The following LTBP1 variants were observed in gnomAD, a reference collection of about 807,000 sequenced individuals.
The protein encoded by LTBP1 is latent-transforming growth factor beta-binding protein 1.
In LTBP1, 129 loss-of-function variants were observed where a neutral mutation model predicts 207.6. The ratio of observed to expected loss-of-function variants is 0.62; its 90% confidence interval spans 0.54 to 0.72. LTBP1 has a LOEUF of 0.72. LTBP1 is among the 30% of genes least tolerant of loss of function. The pLI is 0.00. For missense variants in LTBP1, 2,281 were observed against 2,217.2 expected (o/e 1.03, Z -0.58); for synonymous variants, 963 against 833.7 (o/e 1.16, Z -2.67).
intron 13 of LTBP1, among the ~76,000 whole-genome samples, chr2:33,260,953 C>T (rs1253433988): frequency 1.3e-5 from 2 of 152,034 alleles, no homozygotes; most frequent in African/African-American, 2.4e-5. Context: ...GGAGATAGTA[C>T]GAAAAATGCA....
chr2:33,284,465 G>A (rs143237332), intron 19 of LTBP1, among the ~76,000 whole-genome samples: 84 of 152,190 alleles, frequency 5.5e-4, no homozygotes, highest in African/African-American at 1.8e-3. Context: ...AGTCACGTTC[G>A]TCATTCGGCA....
intron 19 of LTBP1, among the ~76,000 whole-genome samples, chr2:33,286,516 G>C (rs76808819): frequency 0.035 from 5,322 of 152,270 alleles, 122 homozygotes; most frequent in Middle Eastern, 0.11. Context: ...GATTGCAACT[G>C]AGTACAGCAT....
At chr2:33,202,120 A>G (rs1010468579) in intron 7 of LTBP1, among the ~76,000 whole-genome samples, 1 of 152,038 alleles carries the variant, frequency 6.6e-6, no homozygotes, top group East Asian at 1.9e-4. Flanking sequence ...ACTTAAAAGA[A>G]TAAGCTTAAT....
chr2:33,300,015 T>C lies in LTBP1; in HGVS notation c.3236-436T>C, dbSNP rs375959070. ...TCAACTTCTAGACAAAGTAGAATTATCTGTTTCCTTCCATAACTGCCTATG... is the reference window on the plus strand; with the variant it reads ...TCAACTTCTAGACAAAGTAGAATTACCTGTTTCCTTCCATAACTGCCTATG... On this transcript the variant is annotated intron_variant, in intron 20 of 33. Coordinates refer to ENST00000404816, the MANE Select transcript of LTBP1 (RefSeq NM_206943.4). Among the ~76,000 whole-genome samples, 377 of 152,332 alleles carry C rather than the reference T, an allele frequency of 2.5e-3. 1 individual carries two copies. Among genetic ancestry groups the C allele is most frequent in the African/African-American group, 8.2e-3 (339 of 41,578 alleles).
Position 33,301,576 on chromosome 2 carries a change from C to G in LTBP1, c.3413C>G (p.Thr1138Ser). ...HLCAHGQCRN[T>S]EGSFQCVCDQ... ...TGTGCTCATGGGCAGTGCAGGAACA[C>G]TGAGGGCTCTTTTCAATGTGTGTGT... The change falls in exon 22 of 34, where the codon ACT becomes AGT. Residue 1138 changes from threonine (T) to serine (S), a missense_variant. Thr to Ser is a moderately conservative substitution (Grantham distance 58). This residue lies in a region of LTBP1 where 1,671 missense variants were observed against 1,634.8 expected (regional missense o/e 1.02). Transcript: ENST00000404816. 1 of 1,613,270 alleles carries G rather than the reference C, an allele frequency of 6.2e-7. No individual in the cohort carries two copies. The highest frequency in any genetic ancestry group is 8.5e-7 in the Non-Finnish European group (1 of 1,179,654).
chr2:32,990,209 C>T (rs199543123), intron 2 of LTBP1, among the ~76,000 whole-genome samples: 7 of 152,330 alleles, frequency 4.6e-5, no homozygotes, highest in Admixed American at 6.5e-5. Context: ...TCCATGCATA[C>T]GCAATTGACA....
intron 3 of LTBP1, among the ~76,000 whole-genome samples, chr2:33,104,805 G>A (rs1203342652): frequency 1.3e-5 from 2 of 152,128 alleles, no homozygotes; most frequent in Non-Finnish European, 2.9e-5. Context: ...CTGCATTTCT[G>A]TTTCTAAACT....
At chr2:32,988,974 G>A (rs945469330) in intron 2 of LTBP1, among the ~76,000 whole-genome samples, 3 of 151,502 alleles carry the variant, frequency 2.0e-5, no homozygotes, top group South Asian at 4.2e-4. Context: ...TAATATTTTT[G>A]TGCCACTATC....
chr2:33,352,752 C>G (rs989835159), intron 26 of LTBP1, among the ~76,000 whole-genome samples: 10 of 152,146 alleles, frequency 6.6e-5, no homozygotes, highest in African/African-American at 2.2e-4. Flanking sequence ...CTTACCACTG[C>G]TTTATAGCAT....
intron 3 of LTBP1, among the ~76,000 whole-genome samples, chr2:33,097,196 CTT>C (rs1463103584): frequency 1.3e-5 from 2 of 152,130 alleles, no homozygotes; most frequent in African/African-American, 4.8e-5. Flanking sequence ...GGTCTCTAAA[CTT>C]TTAAATTGTG....
At chr2:33,324,971 C>T (rs971096154) in intron 24 of LTBP1, among the ~76,000 whole-genome samples, 3 of 152,152 alleles carry the variant, frequency 2.0e-5, no homozygotes, top group African/African-American at 7.2e-5. Context: ...TCCCAAAGTG[C>T]TGAGATTACA....
chr2:33,368,821 G>C (rs1359863293), intron 31 of LTBP1, among the ~76,000 whole-genome samples: 1 of 152,164 alleles, frequency 6.6e-6, no homozygotes. Context: ...AGGTTGCAGT[G>C]GGCCAAGATC....
Position 33,139,105 on chromosome 2 carries a change from G to A in LTBP1, c.1201+4145G>A, listed in dbSNP as rs796097833. 6.3e-4 allele frequency among the ~76,000 whole-genome samples: 95 copies of A among 151,928 alleles called. 1 individual carries two copies. Among genetic ancestry groups the A allele is most frequent in the African/African-American group, 1.9e-3 (78 of 41,462 alleles). ...CATCTCCTGACCTCGTGATCCGCCC[G>A]CCTCGGCCTCCCAAAGTGCTGGGAT... is the stretch of plus-strand genomic sequence containing the variant. On this transcript the variant is annotated intron_variant, in intron 5 of 33. Coordinates refer to ENST00000404816, the MANE Select transcript of LTBP1 (RefSeq NM_206943.4).
At chr2:33,336,233 C>T (rs1348534023) in intron 24 of LTBP1, among the ~76,000 whole-genome samples, 1 of 152,186 alleles carries the variant, frequency 6.6e-6, no homozygotes, top group Non-Finnish European at 1.5e-5. Context: ...TCATAGTGGG[C>T]AAACTCCAGT....
intron 25 of LTBP1, 42 bp downstream of exon 25, chr2:33,343,005 T>C (rs1291019634): frequency 6.3e-7 from 1 of 1,583,128 alleles, no homozygotes; most frequent in Non-Finnish European, 8.6e-7. Context: ...CACATGTCCC[T>C]AGGGAAAAGA....
intron 3 of LTBP1, among the ~76,000 whole-genome samples, chr2:33,110,234 T>A (rs1389365673): frequency 6.6e-6 from 1 of 152,172 alleles, no homozygotes; most frequent in East Asian, 1.9e-4. Flanking sequence ...AGGACTACAG[T>A]CATGCACCAT....
At position 33,020,958 on chromosome 2, in the gene LTBP1, A is replaced by T; in HGVS notation, c.615A>T (p.Gln205His). Residue 205 changes from glutamine (Q) to histidine (H), a missense_variant, in exon 3 of 34, where the codon CAA becomes CAT. This residue lies in a region of LTBP1 where 555 missense variants were observed against 491.0 expected (regional missense o/e 1.13). Coordinates refer to ENST00000404816, the MANE Select transcript of LTBP1 (RefSeq NM_206943.4). ...CQNGGMCLRP[Q>H]LCVCKPGTKG... ...ATGGAGGGATGTGTCTCCGGCCACA[A>T]CTCTGTGTGTGTAAACCAGGGACCA... 6.2e-7 allele frequency: 1 copy of T among 1,607,802 alleles called. No homozygotes were observed. The highest frequency in any genetic ancestry group is 8.5e-7 in the Non-Finnish European group (1 of 1,175,410).
chr2:33,278,127 C>T (rs1035523050), intron 18 of LTBP1, among the ~76,000 whole-genome samples: 3 of 151,686 alleles, frequency 2.0e-5, no homozygotes, highest in African/African-American at 7.3e-5. Flanking sequence ...CTACTGCACC[C>T]GGCCCAAATA....
chr2:33,062,671 C>G (rs984488869), intron 3 of LTBP1, among the ~76,000 whole-genome samples: 2 of 152,184 alleles, frequency 1.3e-5, no homozygotes, highest in African/African-American at 2.4e-5. Context: ...GATCCTTATG[C>G]TAGTACAGTA....
Sources: gnomAD v4.1 joint callset for allele counts (sites outside exome capture counted in the v4.1 genomes callset) on GRCh38, gnomAD v4.1.1 for gene constraint, gnomAD v4.1.1 regional missense constraint, MANE v1.5 for transcripts, NCBI Gene and HGNC (gene_info 2026-07-23, HGNC 2026-07-21) for gene names.